Variants in TMEM132D observed in about 807,000 individuals in gnomAD.
TMEM132D encodes the protein transmembrane protein 132D, also known as mature OL transmembrane protein.
TMEM132D carries 21 observed loss-of-function variants against 62.3 expected under a neutral mutation model. The ratio of observed to expected loss-of-function variants is 0.34; its 90% CI spans 0.24 to 0.49. The LOEUF (loss-of-function observed/expected upper bound fraction) is 0.49, where lower values mean the gene tolerates loss of function less well. TMEM132D is among the 20% of genes least tolerant of loss of function. TMEM132D has a pLI of 0.99. For missense variants in TMEM132D, 1,346 were observed against 1,402.8 expected, an observed-to-expected ratio of 0.96 and a Z score of 0.65; for synonymous variants, 621 against 575.6, an observed-to-expected ratio of 1.08 and a Z score of -1.13.
intron 3 of TMEM132D, among the ~76,000 whole-genome samples, chr12:129,471,090 C>G (rs977741373): frequency 6.6e-6 from 1 of 152,056 alleles, no homozygotes; most frequent in African/African-American, 2.4e-5. Context: ...CATAAGCAAG[C>G]AGAAGTGAGT....
intron 3 of TMEM132D, among the ~76,000 whole-genome samples, chr12:129,487,066 T>C (rs1191565406): frequency 6.6e-6 from 1 of 151,280 alleles, no homozygotes; most frequent in Non-Finnish European, 1.5e-5. Flanking sequence ...TGTGTGACAG[T>C]TGGTTTTGGT....
intron 3 of TMEM132D, among the ~76,000 whole-genome samples, chr12:129,405,687 GTCAGGATGAC>G (rs1269633757): frequency 6.6e-6 from 1 of 152,180 alleles, no homozygotes; most frequent in Non-Finnish European, 1.5e-5. Context: ...ACATGGAGTA[GTCAGGATGAC>G]TCCTTCAAAG....
At chr12:129,282,491 C>A (rs1691654336) in intron 4 of TMEM132D, among the ~76,000 whole-genome samples, 1 of 152,102 alleles carries the variant, frequency 6.6e-6, no homozygotes, top group South Asian at 2.1e-4. Context: ...AGATGAACAC[C>A]AGCTACGATC....
intron 1 of TMEM132D, among the ~76,000 whole-genome samples, chr12:129,817,612 G>A (rs1160720747): frequency 1.4e-5 from 2 of 142,902 alleles, no homozygotes; most frequent in Admixed American, 7.0e-5. Context: ...TGTGTGTGTA[G>A]TATGGGGTGT....
chr12:129,207,143 A>C (rs912712626), intron 5 of TMEM132D, among the ~76,000 whole-genome samples: 6 of 152,166 alleles, frequency 3.9e-5, no homozygotes, highest in Admixed American at 1.3e-4. Flanking sequence ...AAAACAAACA[A>C]AAAACCCCCC....
At chr12:129,863,198 T>C (rs1020067629) in intron 1 of TMEM132D, among the ~76,000 whole-genome samples, 2 of 152,146 alleles carry the variant, frequency 1.3e-5, no homozygotes, top group Admixed American at 6.5e-5. Context: ...TCTTAGAGCA[T>C]TGTGAAGCCT....
chr12:129,604,642 A>C (rs1376305334), intron 2 of TMEM132D, among the ~76,000 whole-genome samples: 1 of 152,210 alleles, frequency 6.6e-6, no homozygotes, highest in Non-Finnish European at 1.5e-5. Context: ...AGAAGAAAAG[A>C]TGCTTTCAAA....
chr12:129,492,338 CAT>C (rs1463446342), intron 3 of TMEM132D, among the ~76,000 whole-genome samples: 2 of 152,070 alleles, frequency 1.3e-5, no homozygotes, highest in Non-Finnish European at 2.9e-5. Context: ...TTTAAGAAAA[CAT>C]GAGAGAGATT....
chr12:129,222,250 C>A (rs545618220), intron 4 of TMEM132D, among the ~76,000 whole-genome samples: 13 of 152,336 alleles, frequency 8.5e-5, no homozygotes, highest in Admixed American at 6.5e-4. Flanking sequence ...ATTGAAACAG[C>A]CAAATGCATG....
At chr12:129,460,431 G>C (rs1338732208) in intron 3 of TMEM132D, among the ~76,000 whole-genome samples, 1 of 152,174 alleles carries the variant, frequency 6.6e-6, no homozygotes, top group African/African-American at 2.4e-5. Context: ...CATGAACTCA[G>C]GCTGCCGGGA....
At chr12:129,367,097 A>G (rs1870438513) in intron 3 of TMEM132D, among the ~76,000 whole-genome samples, 1 of 152,244 alleles carries the variant, frequency 6.6e-6, no homozygotes, top group Non-Finnish European at 1.5e-5. Flanking sequence ...AGGGTGGCCC[A>G]TTTGACGGAT....
At chr12:129,389,379 C>G (rs1871234569) in intron 3 of TMEM132D, among the ~76,000 whole-genome samples, 1 of 152,076 alleles carries the variant, frequency 6.6e-6, no homozygotes. Context: ...AACAGTAATA[C>G]TATGTGCCAA....
chr12:129,789,231 C>T (rs978959310), intron 1 of TMEM132D, among the ~76,000 whole-genome samples: 9 of 152,042 alleles, frequency 5.9e-5, no homozygotes, highest in South Asian at 2.1e-4. Flanking sequence ...CCCATCCCCC[C>T]GAGTCCTCAA....
chr12:129,818,659 C>T lies in TMEM132D; in HGVS notation c.79+84602G>A, dbSNP rs535278380. ...TTTATGTAAATACTTTCTTTCAAGA[C>T]AGCAAGTTGCCTTTCATTTAACGGC... is the stretch of plus-strand genomic sequence containing the variant. On this transcript the variant is annotated intron_variant, in intron 1 of 8. Transcript: ENST00000422113. 1.9e-4 allele frequency among the ~76,000 whole-genome samples: 29 copies of T among 151,878 alleles called. 1 individual carries two copies. The South Asian group carries it at 6.0e-3, about 32-fold the overall frequency.
chr12:129,078,968 T>C (rs1229361068), intron 7 of TMEM132D, among the ~76,000 whole-genome samples: 1 of 152,178 alleles, frequency 6.6e-6, no homozygotes, highest in Non-Finnish European at 1.5e-5. Flanking sequence ...CTTGGCCCTC[T>C]CCCCACACCC....
chr12:129,835,265 A>G (rs538925263), intron 1 of TMEM132D, among the ~76,000 whole-genome samples: 110 of 152,236 alleles, frequency 7.2e-4, no homozygotes, highest in Non-Finnish European at 1.4e-3. Context: ...TTTTCTGTCC[A>G]TGAGGTTTTG....
intron 1 of TMEM132D, among the ~76,000 whole-genome samples, chr12:129,728,025 G>C (rs949129744): frequency 2.6e-5 from 4 of 152,066 alleles, no homozygotes; most frequent in Non-Finnish European, 5.9e-5. Flanking sequence ...CCATTATGCT[G>C]TCTCTATTTT....
chr12:129,504,052 A>T (rs1875253990), intron 3 of TMEM132D, among the ~76,000 whole-genome samples: 1 of 151,470 alleles, frequency 6.6e-6, no homozygotes, highest in African/African-American at 2.4e-5. Flanking sequence ...TGTCATCATC[A>T]TCATTGTCAT....
rs116134257 is a variant in TMEM132D at position 129,339,308 on chromosome 12, G to C, written c.1116-1491C>G. Among the ~76,000 whole-genome samples, 745 of 141,608 alleles carry C rather than the reference G, an allele frequency of 5.3e-3. 9 individuals carry two copies. The highest frequency in any genetic ancestry group is 0.018 in the African/African-American group (709 of 39,330). The allele number at this position is 141,608 out of a possible 152,430, so 92.9% of individuals were successfully genotyped here. ...AAAGAAAAAGAAAGATAGAAGAGGA[G>C]GAAGGGGAGGAGGAAAAGAAAGAGG... On this transcript the variant is annotated intron_variant, in intron 3 of 8. Coordinates refer to ENST00000422113, the MANE Select transcript of TMEM132D (RefSeq NM_133448.3).
Sources: allele counts gnomAD v4.1 joint callset (sites outside exome capture counted in the v4.1 genomes callset), GRCh38; gene constraint gnomAD v4.1.1; transcripts MANE v1.5; gene names NCBI Gene and HGNC (gene_info 2026-07-23, HGNC 2026-07-21).